BCAR3: variants seen among roughly 807,000 people sequenced by gnomAD.
BCAR3 encodes breast cancer anti-estrogen resistance protein 3.
BCAR3 carries 37 observed loss-of-function variants against 80.1 expected under a neutral mutation model. That is an observed-to-expected ratio of 0.46 (90% confidence interval 0.36 to 0.61). The LOEUF (loss-of-function observed/expected upper bound fraction) is 0.61. Among genes scored for constraint, BCAR3 ranks in the 20% least tolerant of loss-of-function variants. BCAR3 has a pLI of 0.00. For synonymous variants in BCAR3, 389 were observed against 418.9 expected (o/e 0.93, Z 0.87); for missense variants, 978 against 1,068.2 (o/e 0.92, Z 1.18).
chr1:93,670,008 G>A (rs761586992), intron 2 of BCAR3, among the ~76,000 whole-genome samples: 1 of 152,054 alleles, frequency 6.6e-6, no homozygotes, highest in Non-Finnish European at 1.5e-5. Flanking sequence ...GGTGATGGGT[G>A]CACCAAAATC....
At chr1:93,748,802 C>T (rs1169877264) in intron 2 of BCAR3, among the ~76,000 whole-genome samples, 2 of 152,166 alleles carry the variant, frequency 1.3e-5, no homozygotes, top group Non-Finnish European at 2.9e-5. Flanking sequence ...GTATACAAAC[C>T]TGGCTTGTTC....
intron 2 of BCAR3, among the ~76,000 whole-genome samples, chr1:93,826,616 G>A (rs61782410): frequency 5.9e-5 from 9 of 152,150 alleles, no homozygotes; most frequent in Admixed American, 5.9e-4. Context: ...TCCAGTGAGG[G>A]AGAAGACTTA....
intron 2 of BCAR3, among the ~76,000 whole-genome samples, chr1:93,747,775 G>A (rs1651408874): frequency 6.6e-6 from 1 of 151,666 alleles, no homozygotes; most frequent in Admixed American, 6.6e-5. Flanking sequence ...CCTTTAGCAT[G>A]ACACTCAGGT....
chr1:93,779,064 G>C (rs1433317095), intron 2 of BCAR3, among the ~76,000 whole-genome samples: 1 of 152,166 alleles, frequency 6.6e-6, no homozygotes, highest in Non-Finnish European at 1.5e-5. Flanking sequence ...GATGGGAGGA[G>C]GAGTGGTGAA....
At chr1:93,781,751 T>A (rs1229620577) in intron 2 of BCAR3, among the ~76,000 whole-genome samples, 1 of 152,206 alleles carries the variant, frequency 6.6e-6, no homozygotes, top group Non-Finnish European at 1.5e-5. Flanking sequence ...TATGCCTGTC[T>A]ACTTTCCTAT....
At chr1:93,760,051 A>C (rs915822741) in intron 2 of BCAR3, among the ~76,000 whole-genome samples, 1 of 152,180 alleles carries the variant, frequency 6.6e-6, no homozygotes. Context: ...TACGTAAACT[A>C]GGTGTGAAAG....
intron 6 of BCAR3, 44 bp from the exon 7 acceptor site, chr1:93,582,997 A>C: frequency 6.6e-7 from 1 of 1,525,656 alleles, no homozygotes; most frequent in Non-Finnish European, 8.8e-7. Context: ...ATCTGTGTGG[A>C]GAATATAAAA....
intron 3 of BCAR3, chr1:93,613,982 A>G: frequency 6.5e-7 from 1 of 1,547,804 alleles, no homozygotes; most frequent in Non-Finnish European, 8.7e-7. Context: ...GTTAAAAGAA[A>G]GGGGGCTTCG....
At chr1:93,660,887 T>G (rs1647617253) in intron 2 of BCAR3, among the ~76,000 whole-genome samples, 1 of 151,548 alleles carries the variant, frequency 6.6e-6, no homozygotes, top group Non-Finnish European at 1.5e-5. Flanking sequence ...GATAATTTCT[T>G]TTTTTTTAGA....
intron 5 of BCAR3, among the ~76,000 whole-genome samples, chr1:93,588,671 C>A (rs1674042974): frequency 6.6e-6 from 1 of 151,352 alleles, no homozygotes; most frequent in Admixed American, 6.6e-5. Context: ...ACCTGGAACA[C>A]CCCCAGCCCT....
intron 3 of BCAR3, among the ~76,000 whole-genome samples, chr1:93,608,135 G>C (rs897963565): frequency 6.6e-6 from 1 of 152,236 alleles, no homozygotes; most frequent in African/African-American, 2.4e-5. Flanking sequence ...ACACTGGGGA[G>C]AGTTCTTCTC....
chr1:93,722,680 G>A (rs1650445112), intron 2 of BCAR3, among the ~76,000 whole-genome samples: 2 of 152,154 alleles, frequency 1.3e-5, no homozygotes, highest in African/African-American at 4.8e-5. Context: ...AGGGACTGGT[G>A]GGCTGTGAGG....
At chr1:93,786,500 C>T (rs1652952475) in intron 2 of BCAR3, among the ~76,000 whole-genome samples, 1 of 152,142 alleles carries the variant, frequency 6.6e-6, no homozygotes, top group Admixed American at 6.5e-5. Flanking sequence ...CTCAGTCTTG[C>T]CTAAATTACA....
At chr1:93,619,260 T>C (rs1052620666) in intron 3 of BCAR3, among the ~76,000 whole-genome samples, 29 of 152,118 alleles carry the variant, frequency 1.9e-4, no homozygotes, top group African/African-American at 6.5e-4. Context: ...CCATGGTTTT[T>C]AGTTTCTGTC....
chr1:93,649,313 T>G (rs374282239), intron 2 of BCAR3, among the ~76,000 whole-genome samples: 3 of 152,300 alleles, frequency 2.0e-5, no homozygotes, highest in African/African-American at 7.2e-5. Flanking sequence ...ACAGGACACC[T>G]TGTCTTGAGG....
chr1:93,772,221 A>C (rs1314961497), intron 2 of BCAR3, among the ~76,000 whole-genome samples: 4 of 152,200 alleles, frequency 2.6e-5, no homozygotes, highest in Admixed American at 1.3e-4. Flanking sequence ...TTTAAGCAGG[A>C]GAGTGACACA....
upstream of BCAR3, among the ~76,000 whole-genome samples, chr1:93,686,038 T>C (rs1648963080): frequency 6.6e-6 from 1 of 152,140 alleles, no homozygotes; most frequent in Non-Finnish European, 1.5e-5. Flanking sequence ...CTTCACATAT[T>C]TTTCAATGAT....
chr1:93,666,164 G>A (rs983918803), intron 2 of BCAR3, among the ~76,000 whole-genome samples: 1 of 152,238 alleles, frequency 6.6e-6, no homozygotes, highest in African/African-American at 2.4e-5. Context: ...TTTAAAGGTA[G>A]ATTTCCTTTT....
chr1:93,819,153 G>A (rs1054208622), intron 2 of BCAR3, among the ~76,000 whole-genome samples: 1 of 150,306 alleles, frequency 6.7e-6, no homozygotes, highest in South Asian at 2.1e-4. Flanking sequence ...TGCAATCTCC[G>A]CCTCCCCGGT....
Sources: gnomAD v4.1 joint callset for allele counts (sites outside exome capture counted in the v4.1 genomes callset) on GRCh38, gnomAD v4.1.1 for gene constraint, MANE v1.5 for transcripts, NCBI Gene and HGNC (gene_info 2026-07-23, HGNC 2026-07-21) for gene names.